The following ADAMTS17 variants were observed in gnomAD, a reference collection of about 807,000 sequenced individuals.
ADAMTS17 encodes ADAM metallopeptidase with thrombospondin type 1 motif 17, also known as A disintegrin and metalloproteinase with thrombospondin motifs 17.
In ADAMTS17, 113 loss-of-function variants were observed where a neutral mutation model predicts 141.5. The observed-to-expected ratio is 0.80, with a 90% CI of 0.69 to 0.93. ADAMTS17 has a LOEUF of 0.93. ADAMTS17 is among the 40% of genes least tolerant of loss of function. The pLI is 0.00. For missense variants in ADAMTS17, 1,659 were observed against 1,517.9 expected (o/e 1.09, Z -1.54); for synonymous variants, 768 against 630.6 (o/e 1.22, Z -3.27).
chr15:100,078,537 A>T (rs565853147), intron 15 of ADAMTS17, among the ~76,000 whole-genome samples: 1 of 150,230 alleles, frequency 6.7e-6, no homozygotes, highest in Non-Finnish European at 1.5e-5. Flanking sequence ...GAAGTTGTAC[A>T]CCTATTTCAG....
intron 3 of ADAMTS17, among the ~76,000 whole-genome samples, chr15:100,299,488 T>G (rs1466956033): frequency 6.6e-6 from 1 of 150,890 alleles, no homozygotes; most frequent in Non-Finnish European, 1.5e-5. Flanking sequence ...AGCTTGACAG[T>G]TTTACCTTCT....
chr15:100,046,265 G>C (rs576488201), intron 18 of ADAMTS17, among the ~76,000 whole-genome samples: 1 of 152,108 alleles, frequency 6.6e-6, no homozygotes, highest in African/African-American at 2.4e-5. Context: ...TCCAATATAA[G>C]CTACTCTATC....
intron 18 of ADAMTS17, among the ~76,000 whole-genome samples, chr15:100,030,242 G>C (rs558243489): frequency 3.3e-5 from 5 of 152,186 alleles, no homozygotes; most frequent in Non-Finnish European, 7.3e-5. Context: ...AAACACGACT[G>C]AGCCATGTGC....
intron 4 of ADAMTS17, among the ~76,000 whole-genome samples, chr15:100,267,778 G>A (rs772957865): frequency 6.6e-6 from 1 of 151,946 alleles, no homozygotes; most frequent in Non-Finnish European, 1.5e-5. Flanking sequence ...ACATTTATGG[G>A]GTACATGAAA....
intron 4 of ADAMTS17, among the ~76,000 whole-genome samples, chr15:100,263,530 T>C (rs2043603654): frequency 6.6e-6 from 1 of 152,014 alleles, no homozygotes. Context: ...CACAGCAAAG[T>C]GATTCAAGAG....
In ADAMTS17 at chr15:100,341,413, C is replaced by T. The variant is rs1435063786; in HGVS notation, c.80-4G>A. ...TCGGCCGCCGCGTCGCCGACAGCTG[C>T]GGGGAGAGAGGAGACGCGTCAGCGC... On this transcript the variant is annotated splice_polypyrimidine_tract_variant and splice_region_variant and intron_variant, in intron 1 of 21. Transcript: ENST00000268070. 7.9e-6 allele frequency: 8 copies of T among 1,016,028 alleles called. No individual in the cohort carries two copies. In the Admixed American group the frequency reaches 3.5e-4, roughly 45 times the overall value. 62.9% of individuals were successfully genotyped at this position (1,016,028 alleles called of 1,614,324 possible).
intron 2 of ADAMTS17, among the ~76,000 whole-genome samples, chr15:100,336,058 ATCAG>A (rs2046199663): frequency 6.6e-6 from 1 of 152,244 alleles, no homozygotes; most frequent in African/African-American, 2.4e-5. Context: ...CAAGAATGCA[ATCAG>A]TCAAAGAAGA....
At chr15:100,067,301 A>T (rs2033609328) in intron 15 of ADAMTS17, among the ~76,000 whole-genome samples, 1 of 151,410 alleles carries the variant, frequency 6.6e-6, no homozygotes, top group Non-Finnish European at 1.5e-5. Flanking sequence ...CTTGAAATAC[A>T]CTTTTCCACT....
chr15:100,009,272 G>A (rs1379594970), intron 18 of ADAMTS17, among the ~76,000 whole-genome samples: 2 of 152,140 alleles, frequency 1.3e-5, no homozygotes, highest in African/African-American at 2.4e-5. Flanking sequence ...CTGGCCTCGG[G>A]CTCCCCTATT....
intron 3 of ADAMTS17, among the ~76,000 whole-genome samples, chr15:100,321,334 T>C (rs1053326547): frequency 1.3e-5 from 2 of 151,630 alleles, no homozygotes; most frequent in African/African-American, 4.9e-5. Flanking sequence ...AGTAAACAGA[T>C]AAAATAAATA....
rs200151907 is a variant in ADAMTS17, at chr15:100,023,368, A to AT, written c.2591+25488dup. 2.6e-3 allele frequency among the ~76,000 whole-genome samples: 377 copies of AT among 146,374 alleles called. 2 individuals are homozygous for AT. Among genetic ancestry groups the AT allele is most frequent in the African/African-American group, 7.9e-3 (318 of 40,228 alleles). On this transcript the variant is annotated intron_variant, in intron 18 of 21. Transcript: ENST00000268070. ...AGGTGCCTGCCACCACGCAGGGCTA[A>AT]TTTTTTTTTTTGTATTTTTAGTAGA...
At chr15:100,131,006 C>T (rs1279786254) in intron 12 of ADAMTS17, among the ~76,000 whole-genome samples, 1 of 152,028 alleles carries the variant, frequency 6.6e-6, no homozygotes, top group Non-Finnish European at 1.5e-5. Flanking sequence ...GAAAATGTGG[C>T]ACATATACAC....
At chr15:100,142,095 C>T (rs758683840) in intron 10 of ADAMTS17, among the ~76,000 whole-genome samples, 3 of 152,240 alleles carry the variant, frequency 2.0e-5, no homozygotes, top group Non-Finnish European at 4.4e-5. Context: ...AACCCATCTT[C>T]CTGAAGACTT....
At chr15:100,270,633 G>C (rs765802068) in intron 4 of ADAMTS17, among the ~76,000 whole-genome samples, 1 of 151,424 alleles carries the variant, frequency 6.6e-6, no homozygotes, top group Admixed American at 6.6e-5. Flanking sequence ...ATCATCTCCT[G>C]CATGCGTACC....
At chr15:100,042,206 C>G (rs1229221211) in intron 18 of ADAMTS17, among the ~76,000 whole-genome samples, 3 of 152,180 alleles carry the variant, frequency 2.0e-5, no homozygotes, top group East Asian at 1.9e-4. Flanking sequence ...AGGTTTTCTA[C>G]TTTTCTTCAC....
chr15:100,117,070 G>C, intron 12 of ADAMTS17, 57 bp from the exon 13 acceptor site: 1 of 1,543,036 alleles, frequency 6.5e-7, no homozygotes, highest in African/African-American at 1.4e-5. Flanking sequence ...GGGCAGGAGA[G>C]CTGTTTCCGT....
At chr15:100,150,651 G>C (rs956722250) in intron 10 of ADAMTS17, among the ~76,000 whole-genome samples, 7 of 152,144 alleles carry the variant, frequency 4.6e-5, no homozygotes, top group African/African-American at 1.7e-4. Context: ...CGGCTCTCAT[G>C]GAGCAGGCAG....
At chr15:100,228,029 T>C (rs751377756) in intron 7 of ADAMTS17, among the ~76,000 whole-genome samples, 28 of 152,346 alleles carry the variant, frequency 1.8e-4, no homozygotes, top group Admixed American at 7.8e-4. Context: ...CCACGACGCT[T>C]TGTGGAGCCC....
chr15:100,131,953 T>C, intron 12 of ADAMTS17, 54 bp downstream of exon 12: 2 of 1,612,924 alleles, frequency 1.2e-6, no homozygotes, highest in Middle Eastern at 1.7e-4. Flanking sequence ...CGAGAGCTGC[T>C]GTTGGGAAAC....
Sources: allele counts gnomAD v4.1 joint callset (sites outside exome capture counted in the v4.1 genomes callset), GRCh38; gene constraint gnomAD v4.1.1; transcripts MANE v1.5; gene names NCBI Gene and HGNC (gene_info 2026-07-23, HGNC 2026-07-21).